The following CACNB2 variants were observed in gnomAD, a reference collection of about 807,000 sequenced individuals.
CACNB2 encodes calcium voltage-gated channel auxiliary subunit beta 2, also known as voltage-dependent L-type calcium channel subunit beta-2.
Under a neutral mutation model 73.3 loss-of-function variants are expected in CACNB2, and 42 were observed. The ratio of observed to expected loss-of-function variants is 0.57; its 90% CI spans 0.45 to 0.74. CACNB2 has a LOEUF of 0.74. Ranked by LOEUF, CACNB2 falls within the 30% of genes least tolerant of loss-of-function variation. CACNB2 has a pLI of 0.00. For missense variants in CACNB2, 940 were observed against 853.0 expected, an observed-to-expected ratio of 1.10 and a Z score of -1.27; for synonymous variants, 348 against 310.3, an observed-to-expected ratio of 1.12 and a Z score of -1.28.
chr10:18,266,571 T>C (rs1490538380), intron 2 of CACNB2, among the ~76,000 whole-genome samples: 2 of 152,058 alleles, frequency 1.3e-5, no homozygotes, highest in Admixed American at 6.6e-5. Flanking sequence ...TTACAAGTGA[T>C]CAGAATTGTC....
chr10:18,170,004 A>G (rs1353337946), intron 2 of CACNB2, among the ~76,000 whole-genome samples: 1 of 152,218 alleles, frequency 6.6e-6, no homozygotes, highest in Non-Finnish European at 1.5e-5. Context: ...GGTGATGACA[A>G]GATGGCTCCC....
Position 18,140,529 on chromosome 10 carries a change from C to A in CACNB2, c.-208C>A, listed in dbSNP as rs1204249870. On this transcript the variant is annotated 5_prime_UTR_variant, in exon 1 of 14. Coordinates refer to ENST00000324631, the MANE Select transcript of CACNB2 (RefSeq NM_201596.3). ...GTCCCGCCTCCCGAGCGGCTCGCTTCGCCCGATGCCCCGGCCCCGTCCCGC... is the reference window on the plus strand; with the variant it reads ...GTCCCGCCTCCCGAGCGGCTCGCTTAGCCCGATGCCCCGGCCCCGTCCCGC... 6.3e-6 allele frequency: 2 copies of A among 317,466 alleles called. No homozygotes were observed. Among genetic ancestry groups the A allele is most frequent in the Non-Finnish European group, 1.1e-5 (2 of 176,396 alleles). 19.7% of individuals were successfully genotyped at this position (317,466 alleles called of 1,614,324 possible). A position where few individuals can be genotyped will look rare whatever the true frequency, so the allele number is the denominator to read the frequency against.
intron 2 of CACNB2, among the ~76,000 whole-genome samples, chr10:18,357,851 C>G (rs61418170): frequency 0.13 from 19,001 of 151,972 alleles, 1,374 homozygotes; most frequent in East Asian, 0.24. Flanking sequence ...TTGAAACAAC[C>G]AAAAATCCAG....
At chr10:18,220,109 TAATATA>T (rs1370421420) in intron 2 of CACNB2, among the ~76,000 whole-genome samples, 3 of 32,152 alleles carry the variant, frequency 9.3e-5, no homozygotes, top group South Asian at 1.1e-3. Flanking sequence ...TTTTATTTTT[TAATATA>T]TATATATATA....
At chr10:18,225,380 A>G (rs901483910) in intron 2 of CACNB2, among the ~76,000 whole-genome samples, 2 of 152,142 alleles carry the variant, frequency 1.3e-5, no homozygotes, top group African/African-American at 2.4e-5. Context: ...ACAGCCTTTC[A>G]TGATAAATAT....
chr10:18,457,627 A>G (rs977750031), intron 3 of CACNB2, among the ~76,000 whole-genome samples: 2 of 152,140 alleles, frequency 1.3e-5, no homozygotes, highest in Non-Finnish European at 2.9e-5. Context: ...GCGGTGGCTC[A>G]TGCCTGTAAT....
chr10:18,260,554 G>A, intron 2 of CACNB2: 1 of 985,914 alleles, frequency 1.0e-6, no homozygotes, highest in South Asian at 4.7e-5. Context: ...GCAGGACAAA[G>A]CATCTGACGG....
chr10:18,238,457 T>C (rs1455171245), intron 2 of CACNB2: 1 of 152,226 alleles, frequency 6.6e-6, no homozygotes, highest in African/African-American at 2.4e-5. Flanking sequence ...TTCATTTTTC[T>C]CATTATATGA....
intron 2 of CACNB2, among the ~76,000 whole-genome samples, chr10:18,175,156 G>A (rs1010051939): frequency 2.0e-5 from 3 of 152,092 alleles, no homozygotes; most frequent in Non-Finnish European, 4.4e-5. Context: ...GTTTCTTAAT[G>A]TTAGAAACAA....
intron 2 of CACNB2, among the ~76,000 whole-genome samples, chr10:18,185,448 G>A (rs946294659): frequency 6.6e-6 from 1 of 152,122 alleles, no homozygotes. Context: ...TTTGAGCAGG[G>A]TTATAATGCA....
At chr10:18,204,142 G>A (rs778272295) in intron 2 of CACNB2, among the ~76,000 whole-genome samples, 37 of 152,282 alleles carry the variant, frequency 2.4e-4, no homozygotes, top group Non-Finnish European at 3.5e-4. Context: ...TTTTGCTTCC[G>A]TTGCTGCAGT....
chr10:18,315,159 C>T (rs1270401293), intron 2 of CACNB2, among the ~76,000 whole-genome samples: 2 of 151,972 alleles, frequency 1.3e-5, no homozygotes, highest in Non-Finnish European at 2.9e-5. Flanking sequence ...CAGTGAAACC[C>T]CATCTCTACT....
chr10:18,538,444 C>G, intron 13 of CACNB2, 79 bp downstream of exon 13: 2 of 1,272,476 alleles, frequency 1.6e-6, no homozygotes, highest in Non-Finnish European at 2.3e-6. Flanking sequence ...CTCTAGGATC[C>G]AAGCCCAGTA....
At chr10:18,494,647 A>G (rs2049674461) in intron 3 of CACNB2, among the ~76,000 whole-genome samples, 1 of 151,174 alleles carries the variant, frequency 6.6e-6, no homozygotes, top group African/African-American at 2.4e-5. Context: ...AAAAAAAAAA[A>G]AAGAAAAGAA....
At chr10:18,487,400 G>A (rs968997006) in intron 3 of CACNB2, among the ~76,000 whole-genome samples, 1 of 152,174 alleles carries the variant, frequency 6.6e-6, no homozygotes, top group Non-Finnish European at 1.5e-5. Flanking sequence ...TTAGAAGGAA[G>A]CCTTACCGAG....
rs12777565 is a variant in CACNB2 at position 18,435,918 on chromosome 10, C to A, written c.333+33875C>A. Among the ~76,000 whole-genome samples the A allele has an allele frequency of 7.2e-5, 11 of 152,246 alleles. No individual in the cohort carries two copies. The South Asian group carries it at 2.1e-3, about 29-fold the overall frequency. On this transcript the variant is annotated intron_variant, in intron 3 of 13. Coordinates refer to ENST00000324631, the MANE Select transcript of CACNB2 (RefSeq NM_201596.3). The stretch of plus-strand genomic sequence containing the variant: ...AGATCTACACAGAGCTCAACCAATT[C>A]TGATCCTCTTTGGAGGGCCCAGAGC...
intron 2 of CACNB2, among the ~76,000 whole-genome samples, chr10:18,259,570 A>AAAAAAAAAAAAC (rs1554779378): frequency 4.3e-5 from 5 of 116,954 alleles, no homozygotes; most frequent in East Asian, 2.5e-4. Flanking sequence ...CAAACAAAAA[A>AAAAAAAAAAAAC]AAAAAGTAAA....
chr10:18,263,759 T>TCCG (rs1438146321), intron 2 of CACNB2, among the ~76,000 whole-genome samples: 2 of 152,208 alleles, frequency 1.3e-5, no homozygotes, highest in Non-Finnish European at 2.9e-5. Flanking sequence ...TTAGGTTGCC[T>TCCG]CCGCTCACTT....
rs2047369403 is a variant in CACNB2, at chr10:18,457,944, T to C, written c.334-40411T>C. On this transcript the variant is annotated intron_variant, in intron 3 of 13. Transcript: ENST00000324631. ...TTTGGAGAAGTACTAAATATAAAAA[T>C]CAACTTATTTTTAGTAGAATGTATT... Among the ~76,000 whole-genome samples the C allele has an allele frequency of 2.0e-5, 3 of 152,042 alleles. No homozygotes were observed. In the South Asian group the frequency reaches 6.2e-4, roughly 32 times the overall value.
Sources: allele counts gnomAD v4.1 joint callset (sites outside exome capture counted in the v4.1 genomes callset), GRCh38; gene constraint gnomAD v4.1.1; transcripts MANE v1.5; gene names NCBI Gene and HGNC (gene_info 2026-07-23, HGNC 2026-07-21).